The following EHMT1 variants were observed in gnomAD, a reference collection of about 807,000 sequenced individuals.
The protein encoded by EHMT1 is euchromatic histone lysine methyltransferase 1.
In EHMT1, 15 loss-of-function variants were observed where a neutral mutation model predicts 147.2. The observed-to-expected ratio is 0.10, with a 90% CI of 0.07 to 0.16. EHMT1 has a LOEUF of 0.16. Ranked by LOEUF, EHMT1 falls within the 10% of genes least tolerant of loss-of-function variation. The pLI, the probability that EHMT1 is intolerant of heterozygous loss-of-function variation, is 1.00. For synonymous variants in EHMT1, 795 were observed against 709.6 expected, an observed-to-expected ratio of 1.12 and a Z score of -1.91; for missense variants, 1,587 against 1,772.4, an observed-to-expected ratio of 0.90 and a Z score of 1.88.
At chr9:137,668,733 CT>C (rs34070687) in intron 1 of EHMT1, among the ~76,000 whole-genome samples, 33,554 of 148,162 alleles carry the variant, frequency 0.23, 4,821 homozygotes, top group African/African-American at 0.41. Flanking sequence ...TTAGTGTTTT[CT>C]TTTTTTTTTT....
rs1324498891 is a variant in EHMT1 at position 137,619,068 on chromosome 9, G to C, written c.21+19G>C. The C allele has an allele frequency of 1.0e-4, 89 of 874,654 alleles. No homozygotes were observed. The highest frequency in any genetic ancestry group is 1.1e-4 in the Non-Finnish European group (84 of 731,950). The allele number at this position is 874,654 out of a possible 1,614,324, so 54.2% of individuals were successfully genotyped here. A position where few individuals can be genotyped will look rare whatever the true frequency, so the allele number is the denominator to read the frequency against. On this transcript the variant is annotated intron_variant, in intron 1 of 26. Transcript: ENST00000460843. ...TGCCGAGGTGAGCAGCGGGGCCGGC[G>C]GGGGGCGGCGCGGGGGCGGCGGGCA... is the stretch of plus-strand genomic sequence containing the variant.
At chr9:137,822,674 C>T (rs532679258) in intron 25 of EHMT1, among the ~76,000 whole-genome samples, 48 of 152,190 alleles carry the variant, frequency 3.2e-4, no homozygotes, top group African/African-American at 1.1e-3. Context: ...GCGGGCGGAT[C>T]ACGAGGTCAG....
At chr9:137,719,100 T>C (rs887504523) in intron 3 of EHMT1, among the ~76,000 whole-genome samples, 1 of 152,200 alleles carries the variant, frequency 6.6e-6, no homozygotes, top group Non-Finnish European at 1.5e-5. Context: ...TCTTGCGTTA[T>C]CTTTCAAAAG....
At chr9:137,662,759 A>G (rs1445765360) in intron 1 of EHMT1, among the ~76,000 whole-genome samples, 1 of 150,238 alleles carries the variant, frequency 6.7e-6, no homozygotes, top group South Asian at 2.1e-4. Flanking sequence ...GGCGTGAGCC[A>G]CCGCGGCTGG....
intron 10 of EHMT1, among the ~76,000 whole-genome samples, chr9:137,765,637 C>T (rs1324504467): frequency 9.5e-5 from 14 of 147,110 alleles, no homozygotes; most frequent in Admixed American, 8.2e-4. Context: ...GCCTGACCCC[C>T]CAGCCCCACT....
Position 137,762,831 on chromosome 9 carries a change from T to G in EHMT1, c.1647+11T>G. On this transcript the variant is annotated intron_variant, in intron 10 of 26. Transcript: ENST00000460843. ...AGCGTGGACCATGAAGTAAGCACGT[T>G]TGTTTTCATTTAAAGCAGCCACGAG... The G allele has an allele frequency of 6.2e-7, 1 of 1,614,018 alleles. No individual in the cohort carries two copies. Among genetic ancestry groups the G allele is most frequent in the Admixed American group, 1.7e-5 (1 of 60,028 alleles).
In EHMT1 at chr9:137,650,666, CTTTTTTTTTTT is replaced by C. The variant is rs75230304; in HGVS notation, c.21+31627_21+31637del. Among the ~76,000 whole-genome samples the C allele has an allele frequency of 1.6e-4, 19 of 121,580 alleles. No homozygotes were observed. In the East Asian group the frequency reaches 3.9e-3, roughly 25 times the overall value. 79.8% of individuals were successfully genotyped at this position (121,580 alleles called of 152,430 possible). A position where few individuals can be genotyped will look rare whatever the true frequency, so the allele number is the denominator to read the frequency against. ...CCCTTATCAGATATAGGACCCCCCG[CTTTTTTTTTTT>C]TTTTTTTTTGAGACAGTTGCACTCT... On this transcript the variant is annotated intron_variant, in intron 1 of 26. Coordinates refer to ENST00000460843, the MANE Select transcript of EHMT1 (RefSeq NM_024757.5).
At chr9:137,794,492 G>A (rs1269581312) in intron 16 of EHMT1, among the ~76,000 whole-genome samples, 1 of 151,692 alleles carries the variant, frequency 6.6e-6, no homozygotes, top group African/African-American at 2.4e-5. Context: ...TATAAGAAAT[G>A]AAAAATTAGC....
intron 22 of EHMT1, chr9:137,815,531 G>A (rs1483276905): frequency 3.3e-6 from 1 of 306,604 alleles, no homozygotes; most frequent in African/African-American, 2.2e-5. Flanking sequence ...GCAGAGGGCT[G>A]GGTCCCTCCA....
chr9:137,634,424 A>G (rs1309173196), intron 1 of EHMT1, among the ~76,000 whole-genome samples: 1 of 152,148 alleles, frequency 6.6e-6, no homozygotes, highest in Non-Finnish European at 1.5e-5. Context: ...TTGCCTGGCC[A>G]TCGTTTTTGA....
At chr9:137,677,922 A>T (rs1275160996) in intron 1 of EHMT1, among the ~76,000 whole-genome samples, 1 of 150,512 alleles carries the variant, frequency 6.6e-6, no homozygotes, top group Non-Finnish European at 1.5e-5. Flanking sequence ...AAAAAAAAAA[A>T]GCCGGGCGTG....
chr9:137,671,756 G>A (rs1940681642), intron 1 of EHMT1, among the ~76,000 whole-genome samples: 1 of 152,088 alleles, frequency 6.6e-6, no homozygotes, highest in East Asian at 1.9e-4. Context: ...TTGAATCCCT[G>A]AGCTCAAGCT....
intron 1 of EHMT1, among the ~76,000 whole-genome samples, chr9:137,635,804 A>G (rs1844019510): frequency 6.6e-6 from 1 of 151,824 alleles, no homozygotes; most frequent in South Asian, 2.1e-4. Flanking sequence ...TGGGCGACAG[A>G]GCGAGACTGT....
chr9:137,656,097 T>C (rs1017517505), intron 1 of EHMT1, among the ~76,000 whole-genome samples: 2 of 152,190 alleles, frequency 1.3e-5, no homozygotes, highest in African/African-American at 4.8e-5. Flanking sequence ...TGTGTACATA[T>C]GGCTGGGCGC....
chr9:137,697,565 A>G (rs954211000), intron 1 of EHMT1, among the ~76,000 whole-genome samples: 2 of 150,658 alleles, frequency 1.3e-5, no homozygotes, highest in African/African-American at 2.4e-5. Context: ...ATGTAGAAGG[A>G]CACTTTTTGT....
rs1161418235 is a variant in EHMT1, at chr9:137,835,030, C to T, written c.*77C>T. 5 of 1,333,656 alleles carry T rather than the reference C, an allele frequency of 3.7e-6. No individual in the cohort carries two copies. The highest frequency in any genetic ancestry group is 4.8e-6 in the Non-Finnish European group (5 of 1,044,332). The allele number at this position is 1,333,656 out of a possible 1,614,324, so 82.6% of individuals were successfully genotyped here. A position where few individuals can be genotyped will look rare whatever the true frequency, so the allele number is the denominator to read the frequency against. ...ATTAGAGGACGAGGAGGAGAGATTCCGCACGCAACCGAAAGGGTCCTTCGG... is the reference window on the plus strand; with the variant it reads ...ATTAGAGGACGAGGAGGAGAGATTCTGCACGCAACCGAAAGGGTCCTTCGG... On this transcript the variant is annotated 3_prime_UTR_variant, in exon 27 of 27. Transcript: ENST00000460843.
intron 2 of EHMT1, among the ~76,000 whole-genome samples, chr9:137,713,465 G>T (rs886548945): frequency 1.3e-5 from 2 of 151,198 alleles, no homozygotes; most frequent in Non-Finnish European, 3.0e-5. Flanking sequence ...TAGAGACGGG[G>T]TTTCACCATC....
intron 25 of EHMT1, among the ~76,000 whole-genome samples, chr9:137,819,656 G>T (rs953391409): frequency 4.1e-5 from 6 of 145,592 alleles, no homozygotes; most frequent in East Asian, 5.0e-4. Context: ...AGGCTGAGGG[G>T]GGGGGCGCCG....
At chr9:137,679,472 C>T (rs1206884929) in intron 1 of EHMT1, among the ~76,000 whole-genome samples, 3 of 152,078 alleles carry the variant, frequency 2.0e-5, no homozygotes, top group African/African-American at 7.2e-5. Context: ...TTAGGGGTTA[C>T]TGATGTGGAG....
Sources: allele counts gnomAD v4.1 joint callset (sites outside exome capture counted in the v4.1 genomes callset), GRCh38; gene constraint gnomAD v4.1.1; transcripts MANE v1.5; gene names NCBI Gene and HGNC (gene_info 2026-07-23, HGNC 2026-07-21).